The following NOS3 variants were observed in gnomAD, a reference collection of about 807,000 sequenced individuals.
NOS3 encodes NOS type III.
In NOS3, 98 loss-of-function variants were observed where a neutral mutation model predicts 144.9. That is an observed-to-expected ratio of 0.68 (90% confidence interval 0.57 to 0.80). The LOEUF is 0.80. Among genes scored for constraint, NOS3 ranks in the 30% least tolerant of loss-of-function variants. The pLI is 0.00. For missense variants in NOS3, 1,465 were observed against 1,656.4 expected, an observed-to-expected ratio of 0.88 and a Z score of 2.01; for synonymous variants, 714 against 702.4, an observed-to-expected ratio of 1.02 and a Z score of -0.26.
intron 15 of NOS3, 146 bp from the exon 16 acceptor site, chr7:151,006,743 G>T (rs993997816): frequency 4.0e-6 from 3 of 741,634 alleles, no homozygotes; most frequent in African/African-American, 1.7e-5. Context: ...CGGAACCCCA[G>T]GGATGCTGGC....
chr7:151,010,797 C>G lies in NOS3; in HGVS notation c.2886C>G (p.Tyr962Ter). 1 of 1,611,418 alleles carries G rather than the reference C, an allele frequency of 6.2e-7. No homozygotes were observed. Among genetic ancestry groups the G allele is most frequent in the Non-Finnish European group, 8.5e-7 (1 of 1,178,804 alleles). ...EIHLTVAVLA[Y>*]RTQDGLGPLH... ...ACCTCACTGTAGCTGTGCTGGCATA[C>G]AGGACTCAGGGTGAGGCAACAAGCA... Residue 962 changes from tyrosine to a stop codon, truncating the protein, a stop_gained, in exon 22 of 27, where the codon TAC becomes TAG. Coordinates refer to ENST00000297494, the MANE Select transcript of NOS3 (RefSeq NM_000603.5). LOFTEE classifies it high-confidence loss of function.
intron 5 of NOS3, among the ~76,000 whole-genome samples, chr7:150,997,830 C>T (rs1001717812): frequency 6.6e-6 from 1 of 152,204 alleles, no homozygotes; most frequent in Non-Finnish European, 1.5e-5. Context: ...GCCCCTGTCA[C>T]TGACACATGT....
rs757784663 is a variant in NOS3, at chr7:151,013,790, C to T, written c.3322C>T (p.Arg1108Trp). ...GGTGCACCGCGTGCTGTGCCTCGAG[C>T]GGGGCCACATGTTTGTCTGCGGCGA... ...AEVHRVLCLE[R>W]GHMFVCGDVT... Residue 1108 changes from arginine (R) to tryptophan (W), a missense_variant, in exon 26 of 27, where the codon CGG becomes TGG. By Grantham distance (101) the Arg-to-Trp change is moderately radical (BLOSUM62 -3). Transcript: ENST00000297494. The T allele has an allele frequency of 6.2e-7, 1 of 1,611,178 alleles. No individual in the cohort carries two copies. Among genetic ancestry groups the T allele is most frequent in the Admixed American group, 1.7e-5 (1 of 59,778 alleles).
At chr7:150,994,661 A>C (rs1802328375) in intron 2 of NOS3, among the ~76,000 whole-genome samples, 1 of 152,162 alleles carries the variant, frequency 6.6e-6, no homozygotes, top group South Asian at 2.1e-4. Flanking sequence ...TATGCAGGGA[A>C]GGCTGAGGGC....
Position 151,014,213 on chromosome 7 carries a change from C to G in NOS3, c.*44C>G, listed in dbSNP as rs199762416. The stretch of plus-strand genomic sequence containing the variant: ...TTCCAGTTCCGGGAGAGCGGCTGCC[C>G]GACTCAGGTCCGCCCGACCAGGATC... On this transcript the variant is annotated 3_prime_UTR_variant, in exon 27 of 27. Coordinates refer to ENST00000297494, the MANE Select transcript of NOS3 (RefSeq NM_000603.5). 1.1e-4 allele frequency: 171 copies of G among 1,552,554 alleles called. No individual in the cohort carries two copies. The Middle Eastern group carries it at 1.1e-3, about 10-fold the overall frequency.
At chr7:150,992,708 G>GT (rs1802280107) in intron 1 of NOS3, among the ~76,000 whole-genome samples, 2 of 150,854 alleles carry the variant, frequency 1.3e-5, no homozygotes, top group South Asian at 4.2e-4. Context: ...CTGTCTGTCT[G>GT]CTGCTCCTAG....
rs778334154 is a variant in NOS3, at chr7:150,998,447, C to T, written c.673C>T (p.Arg225Cys). Reference sequence around the variant, plus strand: ...GTATGCCACCAACCGGGGCAACCTTCGGTGAGTGCCCCCCACCATGCCAGG... The same window carrying T: ...GTATGCCACCAACCGGGGCAACCTTTGGTGAGTGCCCCCCACCATGCCAGG... Reference protein sequence around the residue: ...IKYATNRGNLRSAITVFPQRC... With the variant: ...IKYATNRGNLCSAITVFPQRC... Residue 225 changes from arginine (R) to cysteine (C), a missense_variant and splice_region_variant, in exon 6 of 27, where the codon CGC (arginine) becomes TGC (cysteine). Transcript: ENST00000297494. This position sits in a 1 kb window ranked among gnomAD's most constrained non-coding sequence, Gnocchi z 5.0. The T allele has an allele frequency of 2.5e-6, 4 of 1,612,224 alleles. No individual in the cohort carries two copies. The highest frequency in any genetic ancestry group is 2.2e-5 in the South Asian group (2 of 90,952).
Position 151,003,700 on chromosome 7 carries a change from G to A in NOS3, c.1752+1396G>A, listed in dbSNP as rs758662322. On this transcript the variant is annotated intron_variant, in intron 14 of 26. Transcript: ENST00000297494. The surrounding 1 kb of genome is among the most constrained non-coding windows in gnomAD (Gnocchi z 4.1). The stretch of plus-strand genomic sequence containing the variant: ...GTGTCTGTCACCACAGAATAGTTTC[G>A]CCTGCTCTAGAACGGCACCTAGATG... The A allele has an allele frequency of 1.2e-5, 7 of 567,386 alleles. No homozygotes were observed. Among genetic ancestry groups the A allele is most frequent in the South Asian group, 6.0e-5 (4 of 66,366 alleles). The allele number at this position is 567,386 out of a possible 1,614,324, so 35.1% of individuals were successfully genotyped here. A position where few individuals can be genotyped will look rare whatever the true frequency, so the allele number is the denominator to read the frequency against.
In NOS3 at chr7:150,993,848, C is replaced by T. The variant is rs779537885; in HGVS notation, c.45C>T (p.Cys15=). 5.7e-5 allele frequency: 91 copies of T among 1,601,252 alleles called. No individual in the cohort carries two copies. The highest frequency in any genetic ancestry group is 1.6e-4 in the African/African-American group (12 of 73,966). ...TGGCCCAGGAGCCTGGGCCACCCTG[C>T]GGCCTGGGGCTGGGGCTGGGCCTTG... ...KSVAQEPGPP[C]GLGLGLGLGL... Residue 15 remains cysteine (C), a synonymous_variant, in exon 2 of 27, where the codon TGC becomes TGT. Coordinates refer to ENST00000297494, the MANE Select transcript of NOS3 (RefSeq NM_000603.5). The surrounding 1 kb of genome is among the most constrained non-coding windows in gnomAD (Gnocchi z 4.0).
intron 1 of NOS3, among the ~76,000 whole-genome samples, chr7:150,991,866 G>T (rs1802260886): frequency 6.6e-6 from 1 of 152,100 alleles, no homozygotes; most frequent in African/African-American, 2.4e-5. Context: ...CGTGGTGGTG[G>T]GTACCTGTAA....
chr7:150,999,240 T>G lies in NOS3; in HGVS notation c.1007T>G (p.Val336Gly). Reference sequence around the variant, plus strand: ...CTGCGCTGGTACGCCCTCCCGGCAGTGTCCAACATGCTGCTGGAAATTGGG... The same window carrying G: ...CTGCGCTGGTACGCCCTCCCGGCAGGGTCCAACATGCTGCTGGAAATTGGG... ...LGLRWYALPA[V>G]SNMLLEIGGL... is the part of the protein sequence containing the mutation. The change falls in exon 9 of 27, where the codon GTG becomes GGG. Residue 336 changes from valine to glycine, a missense_variant. Around this residue, in one of 5 missense-constraint regions of NOS3, gnomAD observed 745 missense variants for 853.9 expected, o/e 0.87. Coordinates refer to ENST00000297494, the MANE Select transcript of NOS3 (RefSeq NM_000603.5). The G allele has an allele frequency of 6.2e-7, 1 of 1,611,968 alleles. No homozygotes were observed. The highest frequency in any genetic ancestry group is 1.1e-5 in the South Asian group (1 of 91,058).
chr7:150,994,095 G>A, intron 2 of NOS3, 134 bp downstream of exon 2: 2 of 954,668 alleles, frequency 2.1e-6, no homozygotes. Context: ...CTATTAATGT[G>A]CATAGAACAG....
Position 151,006,500 on chromosome 7 carries a change from T to A in NOS3, c.1820+6T>A. The stretch of plus-strand genomic sequence containing the variant: ...CCTCGGCCGGAACAGCACAAGTGAG[T>A]TGGGTGAGAGTTTGGGGGAGCTGGG... On this transcript the variant is annotated splice_donor_region_variant and intron_variant, in intron 15 of 26. Coordinates refer to ENST00000297494, the MANE Select transcript of NOS3 (RefSeq NM_000603.5). 6.2e-7 allele frequency: 1 copy of A among 1,610,926 alleles called. No individual in the cohort carries two copies. The highest frequency in any genetic ancestry group is 2.2e-5 in the East Asian group (1 of 44,820).
In NOS3 at chr7:150,998,096, T is replaced by C. The variant is rs3918170; in HGVS notation, c.583-261T>C. Among the ~76,000 whole-genome samples, 914 of 152,302 alleles carry C rather than the reference T, an allele frequency of 6.0e-3. 8 individuals carry two copies. The highest frequency in any genetic ancestry group is 0.021 in the African/African-American group (861 of 41,570). On this transcript the variant is annotated intron_variant, in intron 5 of 26. Coordinates refer to ENST00000297494, the MANE Select transcript of NOS3 (RefSeq NM_000603.5). This position sits in a 1 kb window ranked among gnomAD's most constrained non-coding sequence, Gnocchi z 5.0. The stretch of plus-strand genomic sequence containing the variant: ...ATCAGTTTGGCAGAGGCCGAGTCCC[T>C]CCTCTGTACTGGATACCAAGTCAGC...
At chr7:151,005,058 A>G (rs1298341019) in intron 14 of NOS3, among the ~76,000 whole-genome samples, 1 of 151,940 alleles carries the variant, frequency 6.6e-6, no homozygotes, top group Non-Finnish European at 1.5e-5. Flanking sequence ...CGGTTTCACC[A>G]TGTTGGCCAG....
At chr7:151,001,485 G>A (rs1035999517) in intron 11 of NOS3, 59 bp from the exon 12 acceptor site, 1 of 1,606,156 alleles carries the variant, frequency 6.2e-7, no homozygotes, top group African/African-American at 1.3e-5. Context: ...GCAGCCCCTG[G>A]GGACCTCTAA....
chr7:151,006,633 T>C, intron 15 of NOS3, 139 bp downstream of exon 15: 1 of 771,268 alleles, frequency 1.3e-6, no homozygotes, highest in Admixed American at 2.4e-5. Context: ...ATGCCCTCCA[T>C]TCCAGGCTGC....
chr7:151,010,166 T>C lies in NOS3; in HGVS notation c.2564T>C (p.Leu855Pro). 1.2e-6 allele frequency: 2 copies of C among 1,611,108 alleles called. No individual in the cohort carries two copies. Among genetic ancestry groups the C allele is most frequent in the Non-Finnish European group, 1.7e-6 (2 of 1,179,314 alleles). Residue 855 changes from leucine to proline, a missense_variant, in exon 21 of 27, where the codon CTG becomes CCG. Transcript: ENST00000297494. Reference sequence around the variant, plus strand: ...GACCCCCGGCTGCCCCCGTGCACGCTGCGCCAGGCTCTCACCTTCTTCCTG... The same window carrying C: ...GACCCCCGGCTGCCCCCGTGCACGCCGCGCCAGGCTCTCACCTTCTTCCTG... ...VRDPRLPPCT[L>P]RQALTFFLDI...
In NOS3 at chr7:150,998,941, C is replaced by T. The variant is rs1343594777; in HGVS notation, c.817-5C>T. The T allele has an allele frequency of 6.2e-7, 1 of 1,610,580 alleles. No homozygotes were observed. Among genetic ancestry groups the T allele is most frequent in the Non-Finnish European group, 8.5e-7 (1 of 1,179,236 alleles). ...CCAGAACCCCCTCTGGCCCACTCCC[C>T]ACAGCTCTGCATTCAGCACGGCTGG... On this transcript the variant is annotated splice_region_variant and splice_polypyrimidine_tract_variant and intron_variant, in intron 7 of 26. Coordinates refer to ENST00000297494, the MANE Select transcript of NOS3 (RefSeq NM_000603.5). This position sits in a 1 kb window ranked among gnomAD's most constrained non-coding sequence, Gnocchi z 5.0.
Sources: allele counts gnomAD v4.1 joint callset (sites outside exome capture counted in the v4.1 genomes callset), GRCh38; gene constraint gnomAD v4.1.1; regional missense constraint gnomAD v4.1.1; non-coding constraint Gnocchi (gnomAD v3.1); transcripts MANE v1.5; gene names NCBI Gene and HGNC (gene_info 2026-07-23, HGNC 2026-07-21).